Variants in CDC42BPA observed in about 807,000 individuals in gnomAD.
CDC42BPA encodes the protein CDC42 binding protein kinase alpha, also known as serine/threonine-protein kinase MRCK alpha.
CDC42BPA carries 80 observed loss-of-function variants against 223.5 expected under a neutral mutation model. The ratio of observed to expected loss-of-function variants is 0.36; its 90% CI spans 0.30 to 0.43. The LOEUF (loss-of-function observed/expected upper bound fraction) is 0.43. Among genes scored for constraint, CDC42BPA ranks in the 20% least tolerant of loss-of-function variants. The probability of loss-of-function intolerance (pLI) is 1.00; values close to 1 mark genes in which losing one functional copy is unlikely to be tolerated. For synonymous variants in CDC42BPA, 694 were observed against 718.6 expected (o/e 0.97, Z 0.55); for missense variants, 1,743 against 2,099.9 (o/e 0.83, Z 3.32).
At chr1:227,218,627 G>A (rs1396537217) in intron 2 of CDC42BPA, among the ~76,000 whole-genome samples, 2 of 152,126 alleles carry the variant, frequency 1.3e-5, no homozygotes, top group African/African-American at 4.8e-5. Flanking sequence ...CTGGCTGTCT[G>A]ATAAGAGAGC....
intron 16 of CDC42BPA, among the ~76,000 whole-genome samples, chr1:227,088,694 G>A (rs1410814685): frequency 6.6e-6 from 1 of 152,004 alleles, no homozygotes; most frequent in Non-Finnish European, 1.5e-5. Context: ...TGAGATTGAA[G>A]GAAACCAGAT....
intron 35 of CDC42BPA, among the ~76,000 whole-genome samples, chr1:226,997,684 A>G (rs9726097): frequency 0.37 from 56,480 of 151,678 alleles, 11,189 homozygotes; most frequent in Non-Finnish European, 0.46. Context: ...GAACTTATTT[A>G]TTTCTGCCTT....
chr1:227,169,108 AG>A (rs35180414), intron 5 of CDC42BPA, among the ~76,000 whole-genome samples: 104,008 of 151,910 alleles, frequency 0.68, 35,800 homozygotes, highest in South Asian at 0.73. Flanking sequence ...TTTCATTTCT[AG>A]AATTTCCATT....
At chr1:226,999,557 T>G (rs1249003126) in intron 35 of CDC42BPA, among the ~76,000 whole-genome samples, 1 of 152,138 alleles carries the variant, frequency 6.6e-6, no homozygotes, top group Non-Finnish European at 1.5e-5. Flanking sequence ...CTCAAGGATC[T>G]AGAACCAGAA....
intron 1 of CDC42BPA, among the ~76,000 whole-genome samples, chr1:227,304,188 C>T (rs1255141137): frequency 6.6e-6 from 1 of 152,178 alleles, no homozygotes; most frequent in East Asian, 1.9e-4. Context: ...GGGCGCATCA[C>T]TTGAGGCCAG....
At chr1:227,297,322 A>C (rs545352149) in intron 1 of CDC42BPA, among the ~76,000 whole-genome samples, 1 of 152,342 alleles carries the variant, frequency 6.6e-6, no homozygotes, top group South Asian at 2.1e-4. Flanking sequence ...CTCAACCTTC[A>C]TACATTGCTG....
At chr1:227,065,921 C>G (rs2149003784) in intron 21 of CDC42BPA, among the ~76,000 whole-genome samples, 1 of 152,264 alleles carries the variant, frequency 6.6e-6, no homozygotes, top group Non-Finnish European at 1.5e-5. Context: ...GCAATTCAAA[C>G]TTTAGGTCTT....
intron 6 of CDC42BPA, among the ~76,000 whole-genome samples, chr1:227,151,578 CCCA>C (rs1661763150): frequency 6.6e-6 from 1 of 152,048 alleles, no homozygotes; most frequent in South Asian, 2.1e-4. Flanking sequence ...ATTTTACATT[CCCA>C]CCAACAGTGC....
At chr1:227,166,869 A>G (rs1232153846) in intron 5 of CDC42BPA, among the ~76,000 whole-genome samples, 1 of 152,174 alleles carries the variant, frequency 6.6e-6, no homozygotes, top group African/African-American at 2.4e-5. Flanking sequence ...TAAAACAAGC[A>G]TAGATACTTC....
At chr1:227,305,313 C>T (rs770775871) in intron 1 of CDC42BPA, among the ~76,000 whole-genome samples, 16 of 152,032 alleles carry the variant, frequency 1.1e-4, no homozygotes, top group Non-Finnish European at 2.2e-4. Flanking sequence ...GAAGCTGAGG[C>T]AAACATTTTT....
chr1:227,271,940 A>C (rs1001648390), intron 1 of CDC42BPA, among the ~76,000 whole-genome samples: 3 of 152,194 alleles, frequency 2.0e-5, no homozygotes, highest in African/African-American at 7.2e-5. Flanking sequence ...CTAGAAGATA[A>C]ATTACAAAGA....
chr1:227,312,374 G>GT (rs1693681117), intron 1 of CDC42BPA, among the ~76,000 whole-genome samples: 1 of 152,156 alleles, frequency 6.6e-6, no homozygotes, highest in African/African-American at 2.4e-5. Context: ...AGCTTACTGT[G>GT]TAATAGTATT....
chr1:227,213,801 G>A (rs768242939), intron 2 of CDC42BPA, among the ~76,000 whole-genome samples: 14 of 151,230 alleles, frequency 9.3e-5, no homozygotes, highest in South Asian at 2.1e-4. Context: ...TAAAACTAAC[G>A]ATTTTACAAA....
intron 24 of CDC42BPA, among the ~76,000 whole-genome samples, chr1:227,039,068 A>T (rs1670863173): frequency 6.6e-6 from 1 of 152,220 alleles, no homozygotes; most frequent in Non-Finnish European, 1.5e-5. Context: ...TCATCAGACA[A>T]CAGCAATTTT....
chr1:227,309,865 G>A (rs960909665), intron 1 of CDC42BPA, among the ~76,000 whole-genome samples: 18 of 152,004 alleles, frequency 1.2e-4, no homozygotes, highest in African/African-American at 4.8e-5. Flanking sequence ...TACTTTTTAG[G>A]GTGCTTTTCT....
At chr1:227,019,921 A>G (rs1029846123) in intron 32 of CDC42BPA, among the ~76,000 whole-genome samples, 5 of 150,550 alleles carry the variant, frequency 3.3e-5, no homozygotes, top group African/African-American at 1.2e-4. Context: ...TTTGAGATGG[A>G]GTTTCGCCCT....
intron 1 of CDC42BPA, among the ~76,000 whole-genome samples, chr1:227,256,715 T>C (rs142860748): frequency 0.011 from 1,623 of 152,218 alleles, 14 homozygotes; most frequent in Middle Eastern, 0.044. Flanking sequence ...TATAAAATGT[T>C]ACTGCTGCTT....
At chr1:227,093,033 T>C (rs72748181) in intron 15 of CDC42BPA, among the ~76,000 whole-genome samples, 1 of 152,024 alleles carries the variant, frequency 6.6e-6, no homozygotes, top group Non-Finnish European at 1.5e-5. Flanking sequence ...AAGTTATCCC[T>C]ACCATGTCTC....
At chr1:227,235,288 G>C (rs1461401949) in intron 2 of CDC42BPA, 2 of 152,102 alleles carry the variant, frequency 1.3e-5, no homozygotes, top group African/African-American at 4.8e-5. Context: ...CTCAGAAAAA[G>C]GCCACTATGG....
Sources: allele counts gnomAD v4.1 joint callset (sites outside exome capture counted in the v4.1 genomes callset), GRCh38; gene constraint gnomAD v4.1.1; transcripts MANE v1.5; gene names NCBI Gene and HGNC (gene_info 2026-07-23, HGNC 2026-07-21).